PLPPR5: variants seen among roughly 807,000 people sequenced by gnomAD.
The protein encoded by PLPPR5 is phospholipid phosphatase related 5.
PLPPR5 carries 16 observed loss-of-function variants against 33.9 expected under a neutral mutation model. The observed-to-expected ratio is 0.47, with a 90% CI of 0.32 to 0.72. The LOEUF (loss-of-function observed/expected upper bound fraction) is 0.72, where lower values mean the gene tolerates loss of function less well. Ranked by LOEUF, PLPPR5 falls within the 30% of genes least tolerant of loss-of-function variation. PLPPR5 has a pLI of 0.03. For missense variants in PLPPR5, 301 were observed against 406.7 expected (o/e 0.74, Z 2.23); for synonymous variants, 163 against 150.3 (o/e 1.08, Z -0.62).
rs976124042 is a variant in PLPPR5, at chr1:98,892,467, A to G, written c.*605T>C. On this transcript the variant is annotated 3_prime_UTR_variant, in exon 6 of 6. Transcript: ENST00000263177. ...AAGCACCAGTCTTAGAATGTATAGT[A>G]TGAATAGTATTTTAAGTGAAATATA... 1 of 152,558 alleles carries G rather than the reference A, an allele frequency of 6.6e-6. No homozygotes were observed. The highest frequency in any genetic ancestry group is 2.4e-5 in the African/African-American group (1 of 41,430). The allele number at this position is 152,558 out of a possible 1,614,324, so 9.5% of individuals were successfully genotyped here. A position where few individuals can be genotyped will look rare whatever the true frequency, so the allele number is the denominator to read the frequency against.
At chr1:98,921,435 T>C (rs142731727) in intron 4 of PLPPR5, among the ~76,000 whole-genome samples, 2,055 of 152,238 alleles carry the variant, frequency 0.013, 18 homozygotes, top group Non-Finnish European at 0.017. Flanking sequence ...TGGGATTCTC[T>C]CAATACCCCA....
chr1:98,981,023 C>T (rs1570752732), intron 1 of PLPPR5, among the ~76,000 whole-genome samples: 1 of 152,074 alleles, frequency 6.6e-6, no homozygotes, highest in East Asian at 1.9e-4. Flanking sequence ...GAGAAAAACC[C>T]AAGAATTCTG....
At chr1:98,959,510 T>C (rs1384923918) in intron 1 of PLPPR5, among the ~76,000 whole-genome samples, 1 of 152,202 alleles carries the variant, frequency 6.6e-6, no homozygotes, top group Non-Finnish European at 1.5e-5. Context: ...ATTAGGCCCA[T>C]GAATGGAAAG....
At chr1:98,994,215 A>T (rs377738446) in intron 1 of PLPPR5, among the ~76,000 whole-genome samples, 9 of 151,684 alleles carry the variant, frequency 5.9e-5, no homozygotes, top group African/African-American at 1.9e-4. Context: ...AAGAAGGGGG[A>T]AATGAAGGGA....
intron 3 of PLPPR5, among the ~76,000 whole-genome samples, chr1:98,942,534 A>G (rs1650414098): frequency 6.6e-6 from 1 of 152,190 alleles, no homozygotes; most frequent in Non-Finnish European, 1.5e-5. Context: ...TCTAATCTCT[A>G]TTTCAAGAAA....
At chr1:98,934,472 T>C (rs1650105134) in intron 3 of PLPPR5, among the ~76,000 whole-genome samples, 1 of 152,192 alleles carries the variant, frequency 6.6e-6, no homozygotes, top group Non-Finnish European at 1.5e-5. Flanking sequence ...ATACATTCAT[T>C]CATTCCCACA....
At chr1:98,998,389 T>C (rs1244287164) in intron 1 of PLPPR5, among the ~76,000 whole-genome samples, 1 of 152,180 alleles carries the variant, frequency 6.6e-6, no homozygotes, top group Non-Finnish European at 1.5e-5. Flanking sequence ...ATGAGACACA[T>C]GCCTTTAAAT....
chr1:98,898,857 G>C (rs549307979), intron 5 of PLPPR5, among the ~76,000 whole-genome samples: 1 of 152,118 alleles, frequency 6.6e-6, no homozygotes, highest in East Asian at 1.9e-4. Context: ...TTACTATTCA[G>C]AGAAAGGAGC....
In PLPPR5 at chr1:98,952,752, C is replaced by T. The variant is rs372421794; in HGVS notation, c.621+318G>A. On this transcript the variant is annotated intron_variant, in intron 3 of 5. Transcript: ENST00000263177. Reference sequence around the variant, plus strand: ...GGTAGTTCTCTTCATCGTGCTATTACAAGTTCATGGGGAATGCTACAACAA... The same window carrying T: ...GGTAGTTCTCTTCATCGTGCTATTATAAGTTCATGGGGAATGCTACAACAA... Among the ~76,000 whole-genome samples, 35 of 152,294 alleles carry T rather than the reference C, an allele frequency of 2.3e-4. 1 individual carries two copies. In the South Asian group the frequency reaches 6.6e-3, roughly 29 times the overall value.
chr1:98,956,848 C>T, intron 1 of PLPPR5, 107 bp from the exon 2 acceptor site: 1 of 851,402 alleles, frequency 1.2e-6, no homozygotes, highest in Non-Finnish European at 1.7e-6. Context: ...TGGTAATAAT[C>T]TCAATGTAAA....
intron 5 of PLPPR5, among the ~76,000 whole-genome samples, chr1:98,905,209 G>A (rs7529415): frequency 6.6e-6 from 1 of 151,968 alleles, no homozygotes; most frequent in Admixed American, 6.6e-5. Context: ...ATTGCTTACA[G>A]GATAAGAATC....
chr1:98,913,687 A>C (rs1045177965), intron 5 of PLPPR5, among the ~76,000 whole-genome samples: 1 of 152,222 alleles, frequency 6.6e-6, no homozygotes, highest in African/African-American at 2.4e-5. Flanking sequence ...ACAGATTTAC[A>C]CAATCAGAAC....
chr1:98,946,895 C>T (rs555397499), intron 3 of PLPPR5, among the ~76,000 whole-genome samples: 1 of 152,024 alleles, frequency 6.6e-6, no homozygotes, highest in South Asian at 2.1e-4. Flanking sequence ...TAATGTATAA[C>T]ATTTATATAT....
intron 1 of PLPPR5, among the ~76,000 whole-genome samples, chr1:98,980,110 T>C (rs1023065694): frequency 6.6e-6 from 1 of 152,030 alleles, no homozygotes; most frequent in Non-Finnish European, 1.5e-5. Context: ...CTCTAGACCC[T>C]TTTTCTCCTG....
intron 1 of PLPPR5, among the ~76,000 whole-genome samples, chr1:98,969,103 T>A (rs1029135473): frequency 1.3e-5 from 2 of 152,076 alleles, no homozygotes; most frequent in Non-Finnish European, 2.9e-5. Context: ...CCAAACTTAT[T>A]TGAGCTTAGA....
intron 3 of PLPPR5, among the ~76,000 whole-genome samples, chr1:98,936,776 CTCTAAGTCTTGGG>C (rs1243350936): frequency 6.6e-6 from 1 of 152,190 alleles, no homozygotes; most frequent in Non-Finnish European, 1.5e-5. Flanking sequence ...TAGGCACAGC[CTCTAAGTCTTGGG>C]TATTTTTCCT....
At chr1:98,992,975 T>G (rs946861414) in intron 1 of PLPPR5, among the ~76,000 whole-genome samples, 1 of 152,140 alleles carries the variant, frequency 6.6e-6, no homozygotes, top group African/African-American at 2.4e-5. Flanking sequence ...GGTTAGCCAC[T>G]TAATCTTTCT....
At chr1:98,980,303 T>C (rs11584056) in intron 1 of PLPPR5, among the ~76,000 whole-genome samples, 10,639 of 152,188 alleles carry the variant, frequency 0.07, 507 homozygotes, top group Non-Finnish European at 0.096. Context: ...AACTTTTATG[T>C]GTTTTCTCTT....
In PLPPR5 at chr1:98,953,356, T is replaced by TGC. The variant is rs751640194; in HGVS notation, c.371-37_371-36insGC. ...AAACAAATAATTTTAACTTCTTGCTTGTGTGTGTGTGTGTGTGTGTGTGTG... is the reference window on the plus strand; with the variant it reads ...AAACAAATAATTTTAACTTCTTGCTTGCGTGTGTGTGTGTGTGTGTGTGTGTG... On this transcript the variant is annotated intron_variant, in intron 2 of 5. Transcript: ENST00000263177. 30 of 721,738 alleles carry TGC rather than the reference T, an allele frequency of 4.2e-5. No homozygotes were observed. The South Asian group carries it at 6.5e-4, about 16-fold the overall frequency. 44.7% of individuals were successfully genotyped at this position (721,738 alleles called of 1,614,324 possible). A position where few individuals can be genotyped will look rare whatever the true frequency, so the allele number is the denominator to read the frequency against.
Sources: gnomAD v4.1 joint callset for allele counts (sites outside exome capture counted in the v4.1 genomes callset) on GRCh38, gnomAD v4.1.1 for gene constraint, MANE v1.5 for transcripts, NCBI Gene and HGNC (gene_info 2026-07-23, HGNC 2026-07-21) for gene names.